Variants in ARHGAP15 observed in about 807,000 individuals in gnomAD.
The protein encoded by ARHGAP15 is Rho GTPase activating protein 15.
Under a neutral mutation model 63.7 loss-of-function variants are expected in ARHGAP15, and 51 were observed. The observed-to-expected ratio is 0.80, with a 90% CI of 0.64 to 1.01. The LOEUF (loss-of-function observed/expected upper bound fraction) is 1.01. ARHGAP15 is among the 50% of genes least tolerant of loss of function. The pLI, the probability that ARHGAP15 is intolerant of heterozygous loss-of-function variation, is 0.00. For missense variants in ARHGAP15, 560 were observed against 564.6 expected, an observed-to-expected ratio of 0.99 and a Z score of 0.08; for synonymous variants, 191 against 193.8, an observed-to-expected ratio of 0.99 and a Z score of 0.12.
intron 9 of ARHGAP15, among the ~76,000 whole-genome samples, chr2:143,491,324 C>T (rs1004478696): frequency 1.3e-5 from 2 of 152,152 alleles, no homozygotes; most frequent in African/African-American, 4.8e-5. Context: ...TGTAATCTTT[C>T]AAATAACAGT....
intron 6 of ARHGAP15, among the ~76,000 whole-genome samples, chr2:143,277,953 G>A (rs925195071): frequency 6.6e-5 from 10 of 152,066 alleles, no homozygotes; most frequent in Non-Finnish European, 1.5e-5. Context: ...GGTTGATAGT[G>A]GCAGGTCTGA....
intron 6 of ARHGAP15, among the ~76,000 whole-genome samples, chr2:143,267,710 A>T (rs1202386578): frequency 6.6e-6 from 1 of 152,194 alleles, no homozygotes; most frequent in African/African-American, 2.4e-5. Flanking sequence ...ATATTTGTAT[A>T]CCATTTTTAA....
chr2:143,147,864 T>C (rs1689651413), intron 1 of ARHGAP15, among the ~76,000 whole-genome samples: 1 of 152,162 alleles, frequency 6.6e-6, no homozygotes, highest in African/African-American at 2.4e-5. Flanking sequence ...TTATTCTGTT[T>C]TAAAGTTAAT....
intron 6 of ARHGAP15, among the ~76,000 whole-genome samples, chr2:143,345,689 T>C (rs1437898334): frequency 6.6e-6 from 1 of 152,122 alleles, no homozygotes; most frequent in African/African-American, 2.4e-5. Flanking sequence ...AAATTTATAA[T>C]TGTTATTCAG....
At chr2:143,149,837 T>G (rs1474299546) in intron 1 of ARHGAP15, among the ~76,000 whole-genome samples, 2 of 152,032 alleles carry the variant, frequency 1.3e-5, no homozygotes, top group Non-Finnish European at 2.9e-5. Context: ...CATTTATACA[T>G]TCAACAAACA....
intron 2 of ARHGAP15, among the ~76,000 whole-genome samples, chr2:143,199,921 A>G (rs1692042710): frequency 6.6e-6 from 1 of 152,060 alleles, no homozygotes; most frequent in Non-Finnish European, 1.5e-5. Context: ...GAGACAGCCC[A>G]GGTAAGTGAT....
At chr2:143,538,449 T>C (rs993789396) in intron 10 of ARHGAP15, among the ~76,000 whole-genome samples, 3 of 152,220 alleles carry the variant, frequency 2.0e-5, no homozygotes, top group Non-Finnish European at 4.4e-5. Flanking sequence ...GGCATCCCTG[T>C]CTTGTGCCAG....
intron 6 of ARHGAP15, among the ~76,000 whole-genome samples, chr2:143,271,649 TG>T (rs1438905738): frequency 1.3e-5 from 2 of 152,228 alleles, no homozygotes; most frequent in East Asian, 3.9e-4. Flanking sequence ...CTAATTTTTT[TG>T]TAACTTTAGT....
intron 9 of ARHGAP15, among the ~76,000 whole-genome samples, chr2:143,504,622 A>G (rs1693220246): frequency 6.6e-6 from 1 of 152,216 alleles, no homozygotes; most frequent in Non-Finnish European, 1.5e-5. Flanking sequence ...ATCACAACAC[A>G]GCCTTTCTCT....
At chr2:143,624,804 G>T (rs1033355625) in intron 12 of ARHGAP15, among the ~76,000 whole-genome samples, 1 of 152,124 alleles carries the variant, frequency 6.6e-6, no homozygotes, top group Non-Finnish European at 1.5e-5. Context: ...TGAAGTAATG[G>T]CAAGTTTCTT....
intron 8 of ARHGAP15, among the ~76,000 whole-genome samples, chr2:143,481,275 T>A (rs568498940): frequency 7.9e-5 from 12 of 152,094 alleles, no homozygotes; most frequent in Non-Finnish European, 8.8e-5. Flanking sequence ...GATCTCAATG[T>A]CAAACCTCAC....
chr2:143,274,388 G>A (rs897304413), intron 6 of ARHGAP15, among the ~76,000 whole-genome samples: 2 of 152,026 alleles, frequency 1.3e-5, no homozygotes, highest in African/African-American at 4.8e-5. Context: ...CTTCTCATCT[G>A]TACTTCATTA....
chr2:143,163,679 A>G (rs1690387239), intron 2 of ARHGAP15, among the ~76,000 whole-genome samples: 1 of 152,038 alleles, frequency 6.6e-6, no homozygotes, highest in African/African-American at 2.4e-5. Flanking sequence ...TGTGGCAGAA[A>G]ATATTCAGAA....
intron 5 of ARHGAP15, chr2:143,235,800 T>C: frequency 1.1e-6 from 1 of 884,272 alleles, no homozygotes; most frequent in Non-Finnish European, 1.5e-6. Flanking sequence ...GTTGTCTGTT[T>C]GATTTATCTT....
At chr2:143,750,183 T>C (rs761841864) in intron 13 of ARHGAP15, among the ~76,000 whole-genome samples, 1 of 152,360 alleles carries the variant, frequency 6.6e-6, no homozygotes, top group South Asian at 2.1e-4. Context: ...CTCACACCTA[T>C]GATCCCAGCA....
intron 6 of ARHGAP15, among the ~76,000 whole-genome samples, chr2:143,403,310 G>T (rs1220236764): frequency 6.6e-6 from 1 of 151,664 alleles, no homozygotes. Context: ...ACTTGCCAAT[G>T]CCTGTCTTCC....
At chr2:143,573,153 AATGC>A (rs1482661632) in intron 11 of ARHGAP15, among the ~76,000 whole-genome samples, 2 of 152,190 alleles carry the variant, frequency 1.3e-5, no homozygotes, top group Admixed American at 6.5e-5. Context: ...TGCTAATTTT[AATGC>A]TTACTCCAAC....
At chr2:143,765,109 A>ATGTGTGTGTGTGTGTG (rs60894627) in intron 13 of ARHGAP15, among the ~76,000 whole-genome samples, 93 of 147,622 alleles carry the variant, frequency 6.3e-4, no homozygotes, top group African/African-American at 2.2e-3. Context: ...CCTCTAAAAT[A>ATGTGTGTGTGTGTGTG]TGTGTGTGTG....
At chr2:143,513,978 C>T (rs188116281) in intron 9 of ARHGAP15, among the ~76,000 whole-genome samples, 17 of 152,290 alleles carry the variant, frequency 1.1e-4, no homozygotes, top group Admixed American at 3.9e-4. Context: ...ATAGTATACA[C>T]GCTCAAAGGA....
Sources: gnomAD v4.1 joint callset for allele counts (sites outside exome capture counted in the v4.1 genomes callset) on GRCh38, gnomAD v4.1.1 for gene constraint, MANE v1.5 for transcripts, NCBI Gene and HGNC (gene_info 2026-07-23, HGNC 2026-07-21) for gene names.